The following DSC1 variants were observed in gnomAD, a reference collection of about 807,000 sequenced individuals.
The protein encoded by DSC1 is desmocollin-1.
Under a neutral mutation model 98.8 loss-of-function variants are expected in DSC1, and 79 were observed. The observed-to-expected ratio is 0.80, with a 90% CI of 0.67 to 0.96. The LOEUF (loss-of-function observed/expected upper bound fraction) is 0.96. Among genes scored for constraint, DSC1 ranks in the 50% least tolerant of loss-of-function variants. DSC1 has a pLI of 0.00. For synonymous variants in DSC1, 405 were observed against 372.1 expected, an observed-to-expected ratio of 1.09 and a Z score of -1.02; for missense variants, 1,115 against 1,075.9, an observed-to-expected ratio of 1.04 and a Z score of -0.51.
chr18:31,146,285 G>C (rs1166422454), intron 6 of DSC1, among the ~76,000 whole-genome samples: 5 of 151,780 alleles, frequency 3.3e-5, no homozygotes, highest in African/African-American at 9.7e-5. Context: ...TCCCATTTTT[G>C]TGTCTATGTG....
intron 15 of DSC1, 71 bp from the exon 16 acceptor site, chr18:31,130,782 C>A (rs1988470894): frequency 8.7e-6 from 14 of 1,611,536 alleles, no homozygotes; most frequent in Non-Finnish European, 9.3e-6. Context: ...AAAATGATGT[C>A]TTTGATTTAC....
At position 31,130,588 on chromosome 18, in the gene DSC1, C is replaced by G. The variant is rs781222904; in HGVS notation, c.2611G>C (p.Glu871Gln). The G allele has an allele frequency of 8.7e-6, 14 of 1,614,084 alleles. No homozygotes were observed. The highest frequency in any genetic ancestry group is 6.7e-5 in the African/African-American group (5 of 74,938). The change falls in exon 16 of 16, where the codon GAA becomes CAA. Residue 871 changes from glutamate (E) to glutamine (Q), a missense_variant. Physicochemically the swap from Glu to Gln is conservative, Grantham distance 29. Transcript: ENST00000257198. ...SVGCCSDRQE[E>Q]EGLEFLDHLE... ...TGATCTAGAAACTCCAGTCCCTCTT[C>G]TTCCTGCCGATCGCTGCAGCAACCT...
At chr18:31,160,214 C>A (rs1040058059) in intron 1 of DSC1, among the ~76,000 whole-genome samples, 2 of 152,094 alleles carry the variant, frequency 1.3e-5, no homozygotes, top group African/African-American at 4.8e-5. Context: ...GACATAGACA[C>A]TATCTGAAAA....
intron 11 of DSC1, among the ~76,000 whole-genome samples, chr18:31,135,051 G>A (rs1386160181): frequency 6.6e-6 from 1 of 152,146 alleles, no homozygotes; most frequent in Non-Finnish European, 1.5e-5. Context: ...AGAATGACCT[G>A]TTGAAAATAA....
chr18:31,150,195 TCATCACCACCAC>T (rs1568002484), intron 5 of DSC1, among the ~76,000 whole-genome samples: 2 of 123,036 alleles, frequency 1.6e-5, no homozygotes, highest in South Asian at 2.8e-4. Context: ...ACCACCATCA[TCATCACCACCAC>T]CACCACCATC....
chr18:31,148,730 TAAAA>T, intron 5 of DSC1, 88 bp from the exon 6 acceptor site: 1 of 1,086,962 alleles, frequency 9.2e-7, no homozygotes, highest in Non-Finnish European at 1.2e-6. Context: ...AATGTAACAT[TAAAA>T]AAAAAAATCA....
chr18:31,157,335 T>A, intron 3 of DSC1, 36 bp downstream of exon 3: 1 of 1,599,268 alleles, frequency 6.3e-7, no homozygotes, highest in South Asian at 1.1e-5. Context: ...CGTAAGCATA[T>A]TACTGTGCTA....
intron 5 of DSC1, among the ~76,000 whole-genome samples, chr18:31,149,561 C>T (rs886176088): frequency 6.6e-6 from 1 of 152,176 alleles, no homozygotes; most frequent in Non-Finnish European, 1.5e-5. Context: ...ATGCATTCTA[C>T]ATGTTGACTC....
intron 5 of DSC1, among the ~76,000 whole-genome samples, chr18:31,149,015 A>G (rs1988905667): frequency 6.6e-6 from 1 of 152,250 alleles, no homozygotes; most frequent in Non-Finnish European, 1.5e-5. Flanking sequence ...ATATATACAT[A>G]CAAATAAATG....
At chr18:31,140,885 G>A (rs1322637132) in intron 9 of DSC1, among the ~76,000 whole-genome samples, 1 of 152,152 alleles carries the variant, frequency 6.6e-6, no homozygotes, top group East Asian at 1.9e-4. Context: ...TGTTGTGGGA[G>A]GGACCCAGGG....
intron 6 of DSC1, 132 bp from the exon 7 acceptor site, chr18:31,145,909 A>G (rs1177316350): frequency 1.0e-6 from 1 of 979,640 alleles, no homozygotes; most frequent in East Asian, 2.6e-5. Context: ...TGTTAAGTTG[A>G]CGAATGTGAA....
At position 31,157,534 on chromosome 18, in the gene DSC1, C is replaced by T. The variant is rs749572251; in HGVS notation, c.188G>A (p.Arg63Gln). ...AATTCTGAAGGCAGGGTCACTGGAC[C>T]GGATTAGGCTGGCCGACTTGAGACA... The part of the protein sequence containing the change: ...EECLKSASLI[R>Q]SSDPAFRILE... Residue 63 changes from arginine (R) to glutamine (Q), a missense_variant, in exon 3 of 16, where the codon CGG (arginine) becomes CAG (glutamine). Arg to Gln is a conservative substitution (Grantham distance 43, BLOSUM62 1). Coordinates refer to ENST00000257198, the MANE Select transcript of DSC1 (RefSeq NM_024421.2). 9.9e-6 allele frequency: 16 copies of T among 1,614,126 alleles called. 1 individual carries two copies. Among genetic ancestry groups the T allele is most frequent in the South Asian group, 4.4e-5 (4 of 91,082 alleles).
In DSC1 at chr18:31,162,736, C is replaced by T. The variant is rs1342902596; in HGVS notation, c.-142G>A. 1.3e-5 allele frequency: 9 copies of T among 677,710 alleles called. No homozygotes were observed. Among genetic ancestry groups the T allele is most frequent in the Non-Finnish European group, 2.3e-5 (9 of 384,334 alleles). The allele number at this position is 677,710 out of a possible 1,614,324, so 42.0% of individuals were successfully genotyped here. A position where few individuals can be genotyped will look rare whatever the true frequency, so the allele number is the denominator to read the frequency against. On this transcript the variant is annotated 5_prime_UTR_variant, in exon 1 of 16. Transcript: ENST00000257198. ...AGCTGAGCTTGGTTTGGAAGACAGT[C>T]CGGAGGCAAGTGATAAACAGTAGGA...
At chr18:31,134,409 T>C (rs1789036) in intron 12 of DSC1, among the ~76,000 whole-genome samples, 163 bp downstream of exon 12, 129,810 of 152,012 alleles carry the variant, frequency 0.85, 55,850 homozygotes, top group African/African-American at 0.89. Flanking sequence ...TCTAAGCTCA[T>C]CACAATGGCA....
intron 12 of DSC1, 62 bp downstream of exon 12, chr18:31,134,510 G>GT: frequency 4.7e-6 from 6 of 1,288,668 alleles, no homozygotes; most frequent in Non-Finnish European, 5.3e-6. Context: ...ATAAACTAAG[G>GT]TGAAAGAACC....
intron 11 of DSC1, among the ~76,000 whole-genome samples, chr18:31,135,677 A>T (rs1022516086): frequency 6.6e-6 from 1 of 152,194 alleles, no homozygotes; most frequent in African/African-American, 2.4e-5. Context: ...AAGACTTCAC[A>T]CATAGTATTT....
rs759961733 is a variant in DSC1 at position 31,130,624 on chromosome 18, C to T, written c.2575G>A (p.Ala859Thr). The T allele has an allele frequency of 1.5e-5, 24 of 1,614,048 alleles. No individual in the cohort carries two copies. The African/African-American group carries it at 2.8e-4, about 19-fold the overall frequency. The part of the protein sequence containing the change: ...SYNYEGKGSL[A>T]GSVGCCSDRQ... ...TCGCTGCAGCAACCTACTGAGCCGGCCAGAGAACCTTTGCCTTCATAGTTA... is the reference window on the plus strand; with the variant it reads ...TCGCTGCAGCAACCTACTGAGCCGGTCAGAGAACCTTTGCCTTCATAGTTA... The change falls in exon 16 of 16, where the codon GCC becomes ACC. Residue 859 changes from alanine (A) to threonine (T), a missense_variant. Ala to Thr is a moderately conservative substitution (Grantham distance 58). Transcript: ENST00000257198.
At position 31,133,934 on chromosome 18, in the gene DSC1, T is replaced by C; in HGVS notation, c.2073A>G (p.Arg691=). ...RDVRPNVILG[R]WAILAMVLGS... ...CCAACACCATAGCAAGAATAGCCCATCTTCCAAGTATTACATTTGGTCTAA... is the reference window on the plus strand; with the variant it reads ...CCAACACCATAGCAAGAATAGCCCACCTTCCAAGTATTACATTTGGTCTAA... Residue 691 remains arginine, a synonymous_variant, in exon 13 of 16, where the codon AGA becomes AGG. Coordinates refer to ENST00000257198, the MANE Select transcript of DSC1 (RefSeq NM_024421.2). The C allele has an allele frequency of 6.2e-7, 1 of 1,613,322 alleles. No individual in the cohort carries two copies.
intron 3 of DSC1, 79 bp from the exon 4 acceptor site, chr18:31,156,241 C>A: frequency 6.5e-7 from 1 of 1,540,396 alleles, no homozygotes. Context: ...CATACATCAA[C>A]AAGCAGATGT....
Sources: allele counts gnomAD v4.1 joint callset (sites outside exome capture counted in the v4.1 genomes callset), GRCh38; gene constraint gnomAD v4.1.1; transcripts MANE v1.5; gene names NCBI Gene and HGNC (gene_info 2026-07-23, HGNC 2026-07-21).